ARIH2: variants seen among roughly 807,000 people sequenced by gnomAD.
The protein encoded by ARIH2 is E3 ubiquitin-protein ligase ARIH2.
Under a neutral mutation model 79.8 loss-of-function variants are expected in ARIH2, and 12 were observed. The observed-to-expected ratio is 0.15, with a 90% CI of 0.10 to 0.24. The LOEUF (loss-of-function observed/expected upper bound fraction) is 0.24, where lower values mean the gene tolerates loss of function less well. Ranked by LOEUF, ARIH2 falls within the 10% of genes least tolerant of loss-of-function variation. ARIH2 has a pLI of 1.00. For synonymous variants in ARIH2, 224 were observed against 213.9 expected, an observed-to-expected ratio of 1.05 and a Z score of -0.41; for missense variants, 301 against 618.3, an observed-to-expected ratio of 0.49 and a Z score of 5.44.
intron 3 of ARIH2, among the ~76,000 whole-genome samples, chr3:48,933,504 T>C (rs527284822): frequency 4.6e-5 from 7 of 151,872 alleles, no homozygotes; most frequent in South Asian, 2.1e-4. Flanking sequence ...TTAAAACTTA[T>C]TCAGCACATG....
chr3:48,951,125 G>A (rs2089907906), intron 3 of ARIH2, among the ~76,000 whole-genome samples: 3 of 151,930 alleles, frequency 2.0e-5, no homozygotes, highest in African/African-American at 4.8e-5. Context: ...ACCATGCCCA[G>A]CTAATTTTTT....
intron 1 of ARIH2, among the ~76,000 whole-genome samples, chr3:48,919,896 G>A (rs951168160): frequency 6.6e-6 from 1 of 151,960 alleles, no homozygotes; most frequent in Non-Finnish European, 1.5e-5. Context: ...TAAAACTTAC[G>A]TGTTCTGTGC....
At chr3:48,969,458 G>A (rs2092033685) in intron 7 of ARIH2, among the ~76,000 whole-genome samples, 1 of 151,524 alleles carries the variant, frequency 6.6e-6, no homozygotes, top group Non-Finnish European at 1.5e-5. Flanking sequence ...CTGATTCCAT[G>A]CAATATAATT....
At chr3:48,972,818 A>T (rs2092311545) in intron 8 of ARIH2, among the ~76,000 whole-genome samples, 1 of 152,120 alleles carries the variant, frequency 6.6e-6, no homozygotes, top group Admixed American at 6.6e-5. Context: ...AGCTCAGGCA[A>T]ATCCTCCTGC....
At chr3:48,939,901 T>C (rs560755339) in intron 3 of ARIH2, among the ~76,000 whole-genome samples, 80 of 151,962 alleles carry the variant, frequency 5.3e-4, no homozygotes, top group Non-Finnish European at 9.4e-4. Flanking sequence ...CATCTTCATC[T>C]TGTTCCAGAA....
intron 3 of ARIH2, chr3:48,949,161 A>G: frequency 4.4e-6 from 2 of 452,890 alleles, no homozygotes; most frequent in South Asian, 1.6e-5. Flanking sequence ...TCTGTTGCCT[A>G]GGCTGGAGTG....
At chr3:48,934,620 A>G (rs1431102241) in intron 3 of ARIH2, 34 of 985,308 alleles carry the variant, frequency 3.5e-5, no homozygotes, top group Non-Finnish European at 4.1e-5. Context: ...CTGGCCGTTA[A>G]TAGGTTTGTT....
At chr3:48,970,568 C>T (rs768054876) in intron 7 of ARIH2, 27 bp from the exon 8 acceptor site, 7 of 1,488,386 alleles carry the variant, frequency 4.7e-6, no homozygotes, top group South Asian at 1.1e-5. Flanking sequence ...GAGATGTCCT[C>T]ATTGTTTCCT....
chr3:48,985,768 C>T lies in ARIH2; in HGVS notation c.*2498C>T, dbSNP rs189846100. The T allele has an allele frequency of 2.0e-5, 3 of 152,278 alleles. No homozygotes were observed. The highest frequency in any genetic ancestry group is 1.9e-4 in the East Asian group (1 of 5,182). 9.4% of individuals were successfully genotyped at this position (152,278 alleles called of 1,614,324 possible). ...GAAGTAGAAAATCCTGCCAGTTTTCCGCTCTCCTCTCCCTCAGTACAGGCT... is the reference window on the plus strand; with the variant it reads ...GAAGTAGAAAATCCTGCCAGTTTTCTGCTCTCCTCTCCCTCAGTACAGGCT... On this transcript the variant is annotated 3_prime_UTR_variant, in exon 16 of 16. Transcript: ENST00000356401.
At chr3:48,977,668 A>G (rs2092581584) in intron 11 of ARIH2, among the ~76,000 whole-genome samples, 1 of 152,168 alleles carries the variant, frequency 6.6e-6, no homozygotes, top group Non-Finnish European at 1.5e-5. Flanking sequence ...CTTGTTGGCC[A>G]TGCTGGTTGT....
chr3:48,963,164 C>G (rs2091451012), intron 4 of ARIH2, among the ~76,000 whole-genome samples: 1 of 152,184 alleles, frequency 6.6e-6, no homozygotes, highest in Admixed American at 6.6e-5. Flanking sequence ...AAATTCGTTC[C>G]TGATTCACTA....
At chr3:48,964,840 T>C (rs2091618304) in intron 4 of ARIH2, 79 bp from the exon 5 acceptor site, 7 of 1,127,046 alleles carry the variant, frequency 6.2e-6, no homozygotes, top group African/African-American at 1.5e-5. Flanking sequence ...TCTAAACATC[T>C]TTCTCTGTCC....
At chr3:48,951,352 T>G (rs1255978257) in intron 3 of ARIH2, among the ~76,000 whole-genome samples, 2 of 152,188 alleles carry the variant, frequency 1.3e-5, no homozygotes, top group Non-Finnish European at 2.9e-5. Context: ...TTGTCCAGGC[T>G]TCAGTGCAAT....
At chr3:48,950,211 A>G (rs779205787) in intron 3 of ARIH2, among the ~76,000 whole-genome samples, 4 of 152,106 alleles carry the variant, frequency 2.6e-5, no homozygotes, top group Non-Finnish European at 5.9e-5. Context: ...ATTGAATTAC[A>G]TTGGCACCTT....
At chr3:48,935,874 C>G (rs1050780483) in intron 3 of ARIH2, among the ~76,000 whole-genome samples, 1 of 152,050 alleles carries the variant, frequency 6.6e-6, no homozygotes, top group African/African-American at 2.4e-5. Context: ...TGGTTCTGGG[C>G]AATGTATTGC....
intron 3 of ARIH2, among the ~76,000 whole-genome samples, chr3:48,946,997 G>A (rs1294041988): frequency 6.6e-6 from 1 of 152,284 alleles, no homozygotes; most frequent in East Asian, 1.9e-4. Flanking sequence ...TAAGGGGCAG[G>A]CACAAATGTG....
Position 48,968,543 on chromosome 3 carries a change from G to A in ARIH2, c.548G>A (p.Cys183Tyr). ...TGTTTTTGTTCAACAGGAGTCTCTT[G>A]CATGGCTCAGGACTGTCCACTCCGT... The part of the protein sequence containing the change: ...VKDGVGVGVS[C>Y]MAQDCPLRTP... Residue 183 changes from cysteine to tyrosine, a missense_variant, in exon 7 of 16, where the codon TGC (cysteine) becomes TAC (tyrosine). Physicochemically the swap from Cys to Tyr is radical, Grantham distance 194. Around this residue, in one of 2 missense-constraint regions of ARIH2, gnomAD observed 223 missense variants for 349.4 expected, o/e 0.64. Transcript: ENST00000356401. 1 of 1,609,468 alleles carries A rather than the reference G, an allele frequency of 6.2e-7. No homozygotes were observed. The highest frequency in any genetic ancestry group is 8.5e-7 in the Non-Finnish European group (1 of 1,176,838).
At chr3:48,919,610 G>T (rs1379404226) in intron 1 of ARIH2, among the ~76,000 whole-genome samples, 1 of 152,216 alleles carries the variant, frequency 6.6e-6, no homozygotes, top group Non-Finnish European at 1.5e-5. Flanking sequence ...GTAGCTACTA[G>T]CCACACGTGG....
intron 3 of ARIH2, among the ~76,000 whole-genome samples, chr3:48,956,439 CTTT>C (rs34693818): frequency 5.0e-4 from 18 of 36,258 alleles, no homozygotes; most frequent in African/African-American, 1.4e-3. Context: ...GCGCCCGGCA[CTTT>C]TTTTTTTTTT....
Sources: gnomAD v4.1 joint callset for allele counts (sites outside exome capture counted in the v4.1 genomes callset) on GRCh38, gnomAD v4.1.1 for gene constraint, gnomAD v4.1.1 regional missense constraint, MANE v1.5 for transcripts, NCBI Gene and HGNC (gene_info 2026-07-23, HGNC 2026-07-21) for gene names.